The following PDE3B variants were observed in gnomAD, a reference collection of about 807,000 sequenced individuals.
The protein encoded by PDE3B is phosphodiesterase 3B.
A neutral mutation model predicts 116.8 loss-of-function variants in PDE3B; 66 were observed. The observed-to-expected ratio is 0.56, with a 90% CI of 0.46 to 0.69. The LOEUF (loss-of-function observed/expected upper bound fraction) is 0.69, where lower values mean the gene tolerates loss of function less well. Among genes scored for constraint, PDE3B ranks in the 30% least tolerant of loss-of-function variants. PDE3B has a pLI of 0.00. For synonymous variants in PDE3B, 595 were observed against 533.6 expected (o/e 1.12, Z -1.59); for missense variants, 1,384 against 1,368.1 (o/e 1.01, Z -0.18).
chr11:14,833,798 ATATAC>A (rs764373090), intron 10 of PDE3B, among the ~76,000 whole-genome samples: 1 of 152,202 alleles, frequency 6.6e-6, no homozygotes, highest in Non-Finnish European at 1.5e-5. Context: ...GATGAGTTAC[ATATAC>A]TATAATTTCC....
the PDE3B span, chr11:14,880,849 G>A: frequency 1.5e-6 from 2 of 1,348,726 alleles, no homozygotes; most frequent in Non-Finnish European, 2.0e-6. Flanking sequence ...TTTTTTAATG[G>A]ATGGTTAGTC....
chr11:14,852,585 G>T (rs1288718752), intron 12 of PDE3B, among the ~76,000 whole-genome samples: 1 of 152,138 alleles, frequency 6.6e-6, no homozygotes, highest in South Asian at 2.1e-4. Context: ...TCATTGTTAC[G>T]AATTGCCATT....
At chr11:14,654,788 ACAC>A (rs963827848) in intron 1 of PDE3B, among the ~76,000 whole-genome samples, 7 of 18,412 alleles carry the variant, frequency 3.8e-4, no homozygotes, top group Non-Finnish European at 5.2e-4. Flanking sequence ...GCAGCTGTCT[ACAC>A]ACACACACAC....
At chr11:14,742,867 C>A (rs562614642) in intron 1 of PDE3B, among the ~76,000 whole-genome samples, 1 of 152,112 alleles carries the variant, frequency 6.6e-6, no homozygotes, top group African/African-American at 2.4e-5. Flanking sequence ...CACTCCAGAC[C>A]CTGTTTGCCT....
intron 7 of PDE3B, among the ~76,000 whole-genome samples, chr11:14,821,699 T>C (rs536374356): frequency 4.3e-4 from 65 of 152,282 alleles, no homozygotes; most frequent in Middle Eastern, 6.8e-3. Flanking sequence ...TTCCAGATCA[T>C]CATCTAATCA....
intron 2 of PDE3B, chr11:14,776,577 A>G (rs1356165124): frequency 6.6e-6 from 1 of 152,196 alleles, no homozygotes; most frequent in Admixed American, 6.5e-5. Flanking sequence ...TGGCACATGT[A>G]TACATATGTA....
At chr11:14,800,870 T>C (rs1858737416) in intron 4 of PDE3B, among the ~76,000 whole-genome samples, 1 of 152,104 alleles carries the variant, frequency 6.6e-6, no homozygotes, top group African/African-American at 2.4e-5. Context: ...TATTCTTTTT[T>C]CTCTAATCTT....
intron 12 of PDE3B, among the ~76,000 whole-genome samples, chr11:14,858,826 T>G (rs1371242306): frequency 3.3e-5 from 5 of 152,186 alleles, no homozygotes; most frequent in African/African-American, 7.2e-5. Flanking sequence ...ACTAGAGCTA[T>G]GTATGTTGGA....
chr11:14,734,357 CACTGCACCCA>C (rs1856541552), intron 1 of PDE3B, among the ~76,000 whole-genome samples: 2 of 152,348 alleles, frequency 1.3e-5, no homozygotes, highest in Non-Finnish European at 2.9e-5. Flanking sequence ...AGGCATGAGC[CACTGCACCCA>C]GCCAATTTTA....
intron 5 of PDE3B, among the ~76,000 whole-genome samples, chr11:14,814,452 T>C (rs1402992332): frequency 6.6e-6 from 1 of 152,098 alleles, no homozygotes; most frequent in Non-Finnish European, 1.5e-5. Flanking sequence ...CTCTATACTA[T>C]CAGAAAATGG....
intron 1 of PDE3B, among the ~76,000 whole-genome samples, chr11:14,672,325 G>A (rs145077389): frequency 1.5e-3 from 234 of 151,844 alleles, no homozygotes; most frequent in Non-Finnish European, 3.1e-3. Flanking sequence ...AGTTAAATAC[G>A]TAAGTGCAAT....
chr11:14,707,250 A>G (rs1023624764), intron 1 of PDE3B, among the ~76,000 whole-genome samples: 2 of 151,930 alleles, frequency 1.3e-5, no homozygotes, highest in South Asian at 4.1e-4. Flanking sequence ...CTGGGGATGG[A>G]TTTTCTAGTC....
chr11:14,808,050 CCTT>C (rs1237513228), intron 5 of PDE3B, among the ~76,000 whole-genome samples: 1 of 149,736 alleles, frequency 6.7e-6, no homozygotes, highest in Non-Finnish European at 1.5e-5. Flanking sequence ...ACAAAGCGAG[CCTT>C]CGTCTCAAAA....
intron 11 of PDE3B, 40 bp from the exon 12 acceptor site, chr11:14,843,787 G>A (rs777922684): frequency 2.7e-5 from 40 of 1,488,836 alleles, no homozygotes; most frequent in Non-Finnish European, 3.5e-5. Context: ...AGGAATTTAT[G>A]TGCTAATGCT....
intron 5 of PDE3B, among the ~76,000 whole-genome samples, chr11:14,806,352 G>C (rs1858924136): frequency 6.6e-6 from 1 of 151,874 alleles, no homozygotes; most frequent in African/African-American, 2.4e-5. Flanking sequence ...GGAGGCTGAG[G>C]CAGGAGAATG....
At chr11:14,806,491 A>G (rs1306674970) in intron 5 of PDE3B, among the ~76,000 whole-genome samples, 1 of 151,540 alleles carries the variant, frequency 6.6e-6, no homozygotes, top group Non-Finnish European at 1.5e-5. Context: ...ATGCACACGT[A>G]TGTTTATTGT....
chr11:14,856,115 TAGTG>T (rs1484153382), intron 12 of PDE3B, among the ~76,000 whole-genome samples: 1 of 152,186 alleles, frequency 6.6e-6, no homozygotes, highest in East Asian at 1.9e-4. Flanking sequence ...GTTCTTATGA[TAGTG>T]AGGGAGTTGT....
downstream of PDE3B, among the ~76,000 whole-genome samples, chr11:14,873,529 A>C (rs1488728037): frequency 1.3e-5 from 2 of 152,200 alleles, no homozygotes; most frequent in Non-Finnish European, 2.9e-5. Context: ...TGATTTAGAC[A>C]GCTGTCAATA....
intron 1 of PDE3B, among the ~76,000 whole-genome samples, chr11:14,759,933 T>C (rs1857308369): frequency 6.6e-6 from 1 of 152,232 alleles, no homozygotes; most frequent in East Asian, 1.9e-4. Flanking sequence ...TGCATTGCTA[T>C]TGTTTATCAG....
Sources: gnomAD v4.1 joint callset for allele counts (sites outside exome capture counted in the v4.1 genomes callset) on GRCh38, gnomAD v4.1.1 for gene constraint, MANE v1.5 for transcripts, NCBI Gene and HGNC (gene_info 2026-07-23, HGNC 2026-07-21) for gene names.